CHST9: variants seen among roughly 807,000 people sequenced by gnomAD.
CHST9 encodes GalNAc-4-sulfotransferase 2.
A neutral mutation model predicts 44.4 loss-of-function variants in CHST9; 41 were observed. The ratio of observed to expected loss-of-function variants is 0.92; its 90% CI spans 0.72 to 1.20. CHST9 has a LOEUF of 1.20. Among genes scored for constraint, CHST9 ranks in the 50% most tolerant of loss-of-function variants. The pLI, the probability that CHST9 is intolerant of heterozygous loss-of-function variation, is 0.00. For synonymous variants in CHST9, 171 were observed against 178.4 expected (o/e 0.96, Z 0.33); for missense variants, 504 against 516.5 (o/e 0.98, Z 0.23).
chr18:27,022,139 T>C (rs889436497), intron 4 of CHST9, among the ~76,000 whole-genome samples: 5 of 152,176 alleles, frequency 3.3e-5, no homozygotes, highest in African/African-American at 9.7e-5. Context: ...GATGGTAAAA[T>C]GGAAATTTAG....
At chr18:27,166,223 A>C (rs1337410671) in intron 1 of CHST9, among the ~76,000 whole-genome samples, 3 of 152,108 alleles carry the variant, frequency 2.0e-5, no homozygotes, top group Non-Finnish European at 2.9e-5. Context: ...CTCAATGCCT[A>C]CTAGACATTT....
At chr18:27,071,807 G>C (rs2057843364) in intron 2 of CHST9, among the ~76,000 whole-genome samples, 1 of 152,030 alleles carries the variant, frequency 6.6e-6, no homozygotes, top group Admixed American at 6.6e-5. Context: ...AATAACAAAG[G>C]GCCTTGGGGG....
chr18:27,040,733 T>A (rs1178541960), intron 3 of CHST9, among the ~76,000 whole-genome samples: 1 of 152,190 alleles, frequency 6.6e-6, no homozygotes, highest in Non-Finnish European at 1.5e-5. Context: ...TAGAAGGTTT[T>A]AAGTTGCACA....
intron 4 of CHST9, among the ~76,000 whole-genome samples, chr18:26,975,711 G>GTATATA (rs2056612570): frequency 9.5e-6 from 1 of 105,798 alleles, no homozygotes; most frequent in African/African-American, 3.2e-5. Flanking sequence ...GTGTATATAT[G>GTATATA]TGTGTGTGTG....
chr18:27,166,699 T>C (rs1055043379), intron 1 of CHST9, among the ~76,000 whole-genome samples: 1 of 152,230 alleles, frequency 6.6e-6, no homozygotes, highest in African/African-American at 2.4e-5. Flanking sequence ...TTTTAACTAT[T>C]TTTCATTTGC....
At chr18:26,986,363 T>G (rs1409577860) in intron 4 of CHST9, among the ~76,000 whole-genome samples, 3 of 152,018 alleles carry the variant, frequency 2.0e-5, no homozygotes, top group Admixed American at 6.6e-5. Context: ...TAGTGAAATT[T>G]AAGCCACAGC....
At chr18:27,145,696 C>A (rs1400407901) in intron 1 of CHST9, among the ~76,000 whole-genome samples, 1 of 152,134 alleles carries the variant, frequency 6.6e-6, no homozygotes, top group African/African-American at 2.4e-5. Context: ...AGTAGAAGAG[C>A]CGAGAGTATT....
intron 3 of CHST9, among the ~76,000 whole-genome samples, chr18:27,034,696 A>G (rs1384392997): frequency 6.6e-6 from 1 of 152,100 alleles, no homozygotes; most frequent in Non-Finnish European, 1.5e-5. Flanking sequence ...GATCTGCTCA[A>G]GGCTGGTTCC....
chr18:26,928,744 A>G (rs1169061814), intron 5 of CHST9, among the ~76,000 whole-genome samples: 3 of 152,122 alleles, frequency 2.0e-5, no homozygotes, highest in African/African-American at 7.2e-5. Context: ...ACACAATCCT[A>G]TCAGCTGTGG....
intron 3 of CHST9, among the ~76,000 whole-genome samples, chr18:27,038,515 G>A (rs1285458372): frequency 6.6e-6 from 1 of 152,052 alleles, no homozygotes; most frequent in East Asian, 1.9e-4. Flanking sequence ...TCCAGTCTGG[G>A]TGATAGAGCT....
chr18:26,971,141 T>C (rs1486413655), intron 4 of CHST9, among the ~76,000 whole-genome samples: 6 of 152,126 alleles, frequency 3.9e-5, no homozygotes, highest in African/African-American at 1.2e-4. Flanking sequence ...TGCAACTAGA[T>C]TGCAAACTAC....
intron 2 of CHST9, among the ~76,000 whole-genome samples, chr18:27,075,001 A>T (rs1028372760): frequency 6.9e-6 from 1 of 143,898 alleles, no homozygotes; most frequent in Non-Finnish European, 1.5e-5. Context: ...ATGTTTTTCC[A>T]CTATGTTTTT....
chr18:27,164,778 A>G (rs767581330), intron 1 of CHST9, among the ~76,000 whole-genome samples: 43 of 152,356 alleles, frequency 2.8e-4, no homozygotes, highest in South Asian at 6.2e-4. Context: ...TAGACTTGTC[A>G]GTAGCAACAC....
chr18:27,183,088 T>C (rs2058926198), intron 1 of CHST9, among the ~76,000 whole-genome samples: 2 of 144,784 alleles, frequency 1.4e-5, no homozygotes, highest in South Asian at 2.5e-4. Context: ...GCTGCACTAA[T>C]TTCTAGCTTC....
At chr18:27,032,508 C>T (rs1415448344) in intron 3 of CHST9, among the ~76,000 whole-genome samples, 3 of 152,210 alleles carry the variant, frequency 2.0e-5, no homozygotes, top group East Asian at 3.9e-4. Flanking sequence ...CCGTCCTTCC[C>T]TCTCTTCCTT....
intron 1 of CHST9, among the ~76,000 whole-genome samples, chr18:27,158,409 C>T (rs2143918435): frequency 6.6e-6 from 1 of 151,940 alleles, no homozygotes; most frequent in Admixed American, 6.6e-5. Flanking sequence ...TCAGCTTCAT[C>T]CATGTCCCTA....
chr18:27,049,015 G>C (rs1437590512), intron 2 of CHST9, among the ~76,000 whole-genome samples: 1 of 152,100 alleles, frequency 6.6e-6, no homozygotes, highest in East Asian at 1.9e-4. Flanking sequence ...ATACAAATGG[G>C]ATTTGAGAAA....
At chr18:27,181,719 GGATT>G in intron 1 of CHST9, among the ~76,000 whole-genome samples, 1 of 152,210 alleles carries the variant, frequency 6.6e-6, no homozygotes, top group African/African-American at 2.4e-5. Flanking sequence ...ATGTAAAGTG[GGATT>G]GAATTTCTCA....
intron 4 of CHST9, among the ~76,000 whole-genome samples, chr18:27,002,446 C>G (rs1298066479): frequency 3.3e-5 from 5 of 152,108 alleles, no homozygotes; most frequent in Non-Finnish European, 7.4e-5. Context: ...TTCAGTTTTA[C>G]AGTGGTGCAA....
Sources: gnomAD v4.1 joint callset for allele counts (sites outside exome capture counted in the v4.1 genomes callset) on GRCh38, gnomAD v4.1.1 for gene constraint, MANE v1.5 for transcripts, NCBI Gene and HGNC (gene_info 2026-07-23, HGNC 2026-07-21) for gene names.